The following USP7 variants were observed in gnomAD, a reference collection of about 807,000 sequenced individuals.
USP7 encodes the protein ubiquitin specific peptidase 7, also known as ubiquitin C-terminal hydrolase 7.
USP7 carries 9 observed loss-of-function variants against 162.9 expected under a neutral mutation model. The observed-to-expected ratio is 0.06, with a 90% CI of 0.03 to 0.10. USP7 has a LOEUF of 0.10. Ranked by LOEUF, USP7 falls within the 10% of genes least tolerant of loss-of-function variation. The pLI is 1.00. For missense variants in USP7, 715 were observed against 1,373.7 expected (o/e 0.52, Z 7.58); for synonymous variants, 562 against 475.9 (o/e 1.18, Z -2.35).
At chr16:8,949,685 T>A (rs7192755) in intron 1 of USP7, 1 of 152,202 alleles carries the variant, frequency 6.6e-6, no homozygotes, top group African/African-American at 2.4e-5. Context: ...CTCACCTCTG[T>A]GCATTCATCA....
At chr16:8,934,200 T>G (rs1373907874) in intron 1 of USP7, among the ~76,000 whole-genome samples, 5 of 152,214 alleles carry the variant, frequency 3.3e-5, no homozygotes, top group African/African-American at 1.2e-4. Context: ...TACATAAAAC[T>G]TCATGTCTAA....
At chr16:8,952,078 C>T (rs1012670462) in intron 1 of USP7, among the ~76,000 whole-genome samples, 1 of 1,178 alleles carries the variant, frequency 8.5e-4, no homozygotes, top group African/African-American at 9.6e-4. Context: ...AAAAGTAGAC[C>T]CCCCCGTCTA....
intron 23 of USP7, 95 bp downstream of exon 23, chr16:8,899,026 G>A: frequency 7.6e-7 from 1 of 1,316,898 alleles, no homozygotes; most frequent in Non-Finnish European, 1.1e-6. Flanking sequence ...CAGGTGAAAT[G>A]GCGAGCTAAT....
In USP7 at chr16:8,905,179, C is replaced by G. The variant is rs1407439564; in HGVS notation, c.1573+8G>C. On this transcript the variant is annotated splice_region_variant and intron_variant, in intron 14 of 30. Transcript: ENST00000344836. Reference sequence around the variant, plus strand: ...GTAAAGAACAGAACAAAAGTGAACACTACTCACTCAGTTTTGATTCCCTGA... The same window carrying G: ...GTAAAGAACAGAACAAAAGTGAACAGTACTCACTCAGTTTTGATTCCCTGA... 6.2e-7 allele frequency: 1 copy of G among 1,613,370 alleles called. No homozygotes were observed. The highest frequency in any genetic ancestry group is 8.5e-7 in the Non-Finnish European group (1 of 1,179,404).
chr16:8,946,781 G>T (rs538920335), intron 1 of USP7, among the ~76,000 whole-genome samples: 2 of 152,194 alleles, frequency 1.3e-5, no homozygotes, highest in Admixed American at 6.5e-5. Context: ...CACGCAGAAG[G>T]CTCCACCTAC....
intron 1 of USP7, chr16:8,936,565 C>T (rs751315087): frequency 3.9e-6 from 6 of 1,529,394 alleles, no homozygotes; most frequent in Non-Finnish European, 2.6e-6. Context: ...AGGAGCTCAA[C>T]CTGAAAACCT....
intron 10 of USP7, among the ~76,000 whole-genome samples, chr16:8,913,096 C>G (rs2061974255): frequency 6.6e-6 from 1 of 152,178 alleles, no homozygotes; most frequent in South Asian, 2.1e-4. Flanking sequence ...TGGCTCACAC[C>G]TGTAATCCCA....
At chr16:8,917,308 G>C in intron 6 of USP7, 152 bp from the exon 7 acceptor site, 2 of 929,400 alleles carry the variant, frequency 2.2e-6, no homozygotes, top group Non-Finnish European at 3.0e-6. Flanking sequence ...CCCCAAATTG[G>C]TGAGAAAGTT....
At chr16:8,953,521 T>TGCCCCCTGCGGCGCCACC (rs1567248165) in intron 1 of USP7, among the ~76,000 whole-genome samples, 1 of 111,406 alleles carries the variant, frequency 9.0e-6, no homozygotes, top group Admixed American at 8.5e-5. Context: ...GCGGTGCCAC[T>TGCCCCCTGCGGCGCCACC]GGAAGCAGAG....
chr16:8,948,661 G>T (rs769020407), intron 1 of USP7, among the ~76,000 whole-genome samples: 4 of 152,192 alleles, frequency 2.6e-5, no homozygotes, highest in Non-Finnish European at 5.9e-5. Context: ...CGAGAAAAGG[G>T]AACGACTACT....
Position 8,894,770 on chromosome 16 carries a change from C to A in USP7, c.3111+14G>T, listed in dbSNP as rs753643150. Reference sequence around the variant, plus strand: ...TATGGCCCGCCAAGCCCCCAGGAGGCCCCAGCTGCACACCTTCTCAAACTC... The same window carrying A: ...TATGGCCCGCCAAGCCCCCAGGAGGACCCAGCTGCACACCTTCTCAAACTC... On this transcript the variant is annotated intron_variant, in intron 29 of 30. Transcript: ENST00000344836. The A allele has an allele frequency of 1.4e-5, 23 of 1,614,128 alleles. 3 individuals carry two copies. In the South Asian group the frequency reaches 2.2e-4, roughly 15 times the overall value.
chr16:8,897,725 A>AC lies in USP7; in HGVS notation c.2719-627_2719-626insG, dbSNP rs57594800. On this transcript the variant is annotated intron_variant, in intron 25 of 30. Transcript: ENST00000344836. ...AAAAAAAAAAAAAAAAAAAAAAAAA[A>AC]AATATATATATATATATATATAAAT... 1.7e-4 allele frequency among the ~76,000 whole-genome samples: 10 copies of AC among 57,736 alleles called. 1 individual carries two copies. Among genetic ancestry groups the AC allele is most frequent in the Non-Finnish European group, 3.4e-5 (1 of 29,058 alleles). 37.9% of individuals were successfully genotyped at this position (57,736 alleles called of 152,430 possible).
chr16:8,896,459 A>G (rs778876441), intron 26 of USP7, among the ~76,000 whole-genome samples: 17 of 152,188 alleles, frequency 1.1e-4, no homozygotes, highest in Non-Finnish European at 2.2e-4. Context: ...TCCAAAAGCC[A>G]TTTGTCCTCC....
chr16:8,904,073 C>G (rs1015591106), intron 15 of USP7, among the ~76,000 whole-genome samples: 1 of 152,166 alleles, frequency 6.6e-6, no homozygotes, highest in Admixed American at 6.5e-5. Flanking sequence ...ACAACCAAGT[C>G]TTTACTCCTG....
At chr16:8,901,104 C>T (rs917368377) in intron 19 of USP7, 38 bp downstream of exon 19, 20 of 1,612,196 alleles carry the variant, frequency 1.2e-5, no homozygotes, top group Non-Finnish European at 1.7e-5. Context: ...ATGTACTGAG[C>T]AAAATCTACT....
intron 6 of USP7, among the ~76,000 whole-genome samples, chr16:8,918,079 T>C (rs1596375529): frequency 6.6e-6 from 1 of 152,218 alleles, no homozygotes; most frequent in South Asian, 2.1e-4. Flanking sequence ...CATGAGCCAC[T>C]GCGCCCAGCC....
At chr16:8,929,148 A>C (rs1898180530) in intron 2 of USP7, among the ~76,000 whole-genome samples, 2 of 152,216 alleles carry the variant, frequency 1.3e-5, no homozygotes, top group Non-Finnish European at 1.5e-5. Context: ...ACTGCTACAC[A>C]AGTGGCTAGA....
rs1408409225 is a variant in USP7 at position 8,915,502 on chromosome 16, C to T, written c.930G>A (p.Lys310=). Residue 310 remains lysine, a synonymous_variant, in exon 9 of 31, where the codon AAG becomes AAA. Coordinates refer to ENST00000344836, the MANE Select transcript of USP7 (RefSeq NM_003470.3). ...TGCCCTCTACACAGGTGCCTTTCAT[C>T]TTATTTTCCACATTATCGAGCAACT... ...CRVLLDNVEN[K]MKGTCVEGTI... The T allele has an allele frequency of 1.2e-6, 2 of 1,613,274 alleles. No individual in the cohort carries two copies. Among genetic ancestry groups the T allele is most frequent in the East Asian group, 2.2e-5 (1 of 44,858 alleles).
At position 8,898,581 on chromosome 16, in the gene USP7, G is replaced by T; in HGVS notation, c.2590C>A (p.Leu864Ile). ...TGTCTAGGCTTGAAGAACTGTAGAA[G>T]ATCTCTTAAAGTACCTTCATAATTA... ...RHNYEGTLRDLLQFFKPRQPK... is the reference protein window; with the variant it reads ...RHNYEGTLRDILQFFKPRQPK... Residue 864 changes from leucine to isoleucine, a missense_variant, in exon 24 of 31, where the codon CTT (leucine) becomes ATT (isoleucine). Coordinates refer to ENST00000344836, the MANE Select transcript of USP7 (RefSeq NM_003470.3). 1 of 1,612,340 alleles carries T rather than the reference G, an allele frequency of 6.2e-7. No homozygotes were observed. The highest frequency in any genetic ancestry group is 8.5e-7 in the Non-Finnish European group (1 of 1,179,624).
Sources: allele counts gnomAD v4.1 joint callset (sites outside exome capture counted in the v4.1 genomes callset), GRCh38; gene constraint gnomAD v4.1.1; transcripts MANE v1.5; gene names NCBI Gene and HGNC (gene_info 2026-07-23, HGNC 2026-07-21).